Variants in SLC25A12 observed in about 807,000 individuals in gnomAD.
SLC25A12 encodes the protein electrogenic aspartate/glutamate antiporter SLC25A12, mitochondrial.
In SLC25A12, 32 loss-of-function variants were observed where a neutral mutation model predicts 83.3. The observed-to-expected ratio is 0.38, with a 90% CI of 0.29 to 0.52. SLC25A12 has a LOEUF of 0.52. Ranked by LOEUF, SLC25A12 falls within the 20% of genes least tolerant of loss-of-function variation. The pLI is 0.84. For missense variants in SLC25A12, 611 were observed against 835.6 expected, an observed-to-expected ratio of 0.73 and a Z score of 3.31; for synonymous variants, 267 against 291.1, an observed-to-expected ratio of 0.92 and a Z score of 0.84.
chr2:171,827,413 G>T (rs903772127), intron 8 of SLC25A12, among the ~76,000 whole-genome samples: 10 of 151,992 alleles, frequency 6.6e-5, no homozygotes, highest in African/African-American at 2.2e-4. Flanking sequence ...GCCTCTGATT[G>T]GTCATGGGCC....
At chr2:171,786,848 T>C (rs1176524379) in intron 17 of SLC25A12, among the ~76,000 whole-genome samples, 1 of 152,186 alleles carries the variant, frequency 6.6e-6, no homozygotes, top group African/African-American at 2.4e-5. Context: ...TAACTAATAA[T>C]AAATTGTGGT....
At chr2:171,814,522 G>T (rs1181721821) in intron 10 of SLC25A12, among the ~76,000 whole-genome samples, 1 of 151,692 alleles carries the variant, frequency 6.6e-6, no homozygotes. Context: ...TAGGTGTGGG[G>T]TATATATGAA....
At chr2:171,868,907 T>A in intron 2 of SLC25A12, 84 bp from the exon 3 acceptor site, 1 of 1,136,536 alleles carries the variant, frequency 8.8e-7, no homozygotes, top group Non-Finnish European at 1.3e-6. Flanking sequence ...AAAGGTAAAT[T>A]AAAGGCCAGT....
intron 4 of SLC25A12, among the ~76,000 whole-genome samples, chr2:171,855,527 C>T (rs1044918589): frequency 2.0e-5 from 3 of 152,186 alleles, no homozygotes; most frequent in Admixed American, 1.3e-4. Context: ...TGTTCAAAAT[C>T]GACCTTGTAA....
chr2:171,830,106 G>A (rs571063702), intron 8 of SLC25A12, among the ~76,000 whole-genome samples: 3 of 152,344 alleles, frequency 2.0e-5, no homozygotes, highest in African/African-American at 7.2e-5. Flanking sequence ...CTCTCCTGAA[G>A]GCAGTGTTGA....
intron 13 of SLC25A12, among the ~76,000 whole-genome samples, chr2:171,796,268 A>T (rs1683596012): frequency 6.6e-6 from 1 of 152,226 alleles, no homozygotes; most frequent in Non-Finnish European, 1.5e-5. Flanking sequence ...TTAAAAATAC[A>T]TACACCTTAA....
chr2:171,847,058 A>T (rs1038466552), intron 4 of SLC25A12, among the ~76,000 whole-genome samples: 24 of 152,072 alleles, frequency 1.6e-4, no homozygotes, highest in Admixed American at 3.3e-4. Context: ...ACTTCTCCCA[A>T]AGTGGTCACT....
intron 4 of SLC25A12, among the ~76,000 whole-genome samples, chr2:171,852,313 C>T (rs1229065730): frequency 2.3e-4 from 35 of 152,074 alleles, no homozygotes. Flanking sequence ...TGCAAAGATG[C>T]ACACAGTTTA....
At chr2:171,844,885 T>C (rs1573977472) in intron 4 of SLC25A12, among the ~76,000 whole-genome samples, 1 of 152,172 alleles carries the variant, frequency 6.6e-6, no homozygotes, top group African/African-American at 2.4e-5. Flanking sequence ...ATCAGAAGCA[T>C]GAATACCTAA....
At chr2:171,809,784 T>C (rs1193146883) in intron 12 of SLC25A12, 98 bp from the exon 13 acceptor site, 2 of 861,906 alleles carry the variant, frequency 2.3e-6, no homozygotes, top group African/African-American at 3.3e-5. Flanking sequence ...TGTCTTATGA[T>C]AAAATTTAAA....
intron 3 of SLC25A12, among the ~76,000 whole-genome samples, chr2:171,865,311 A>C (rs191689306): frequency 2.2e-4 from 33 of 152,342 alleles, no homozygotes; most frequent in East Asian, 1.9e-4. Context: ...AGTAAATAAC[A>C]CCATTTTTAT....
chr2:171,846,795 G>A (rs1269099359), intron 4 of SLC25A12, among the ~76,000 whole-genome samples: 2 of 152,100 alleles, frequency 1.3e-5, no homozygotes, highest in African/African-American at 4.8e-5. Context: ...GACAGAGCAA[G>A]GCTCTGTCTC....
chr2:171,843,497 G>A (rs984036007), intron 5 of SLC25A12, among the ~76,000 whole-genome samples: 3 of 151,998 alleles, frequency 2.0e-5, no homozygotes, highest in Non-Finnish European at 4.4e-5. Context: ...GCCAGGTGTG[G>A]TGGCACACTC....
At chr2:171,838,558 GA>G (rs1347655831) in intron 5 of SLC25A12, among the ~76,000 whole-genome samples, 1 of 152,010 alleles carries the variant, frequency 6.6e-6, no homozygotes, top group Non-Finnish European at 1.5e-5. Flanking sequence ...TAATCACCCA[GA>G]AATATCAAAT....
intron 4 of SLC25A12, among the ~76,000 whole-genome samples, chr2:171,851,350 C>A (rs1176551902): frequency 6.6e-6 from 1 of 151,894 alleles, no homozygotes; most frequent in African/African-American, 2.4e-5. Context: ...CCCACCACGC[C>A]CGGCTAATTT....
At chr2:171,846,199 T>C (rs1469000965) in intron 4 of SLC25A12, among the ~76,000 whole-genome samples, 1 of 152,046 alleles carries the variant, frequency 6.6e-6, no homozygotes, top group Non-Finnish European at 1.5e-5. Flanking sequence ...AAAAGAAGTG[T>C]TTCATCTTCA....
Position 171,837,280 on chromosome 2 carries a change from T to C in SLC25A12, c.466-13A>G, listed in dbSNP as rs370022928. The C allele has an allele frequency of 9.6e-5, 155 of 1,613,836 alleles. No homozygotes were observed. Among genetic ancestry groups the C allele is most frequent in the Non-Finnish European group, 1.2e-4 (140 of 1,179,888 alleles). ...CCAATTGCAGCTCCTGTGAGGAAAT[T>C]AGAAATAGGGCATTAAGCTGGTTAA... On this transcript the variant is annotated splice_polypyrimidine_tract_variant and intron_variant, in intron 5 of 17. Coordinates refer to ENST00000422440, the MANE Select transcript of SLC25A12 (RefSeq NM_003705.5).
At chr2:171,824,678 T>TA (rs200350679) in intron 9 of SLC25A12, among the ~76,000 whole-genome samples, 32,230 of 151,890 alleles carry the variant, frequency 0.21, 4,084 homozygotes, top group East Asian at 0.57. Flanking sequence ...TTAATTTTAT[T>TA]AAAAATTTTT....
rs376759070 is a variant in SLC25A12 at position 171,844,108 on chromosome 2, TC to T, written c.465+260del. ...TCGTGAAAGAACTAGCTTCTAATCT[TC>T]TATAGTTAGGATACAATTAAAAAGT... is the stretch of plus-strand genomic sequence containing the variant. On this transcript the variant is annotated intron_variant, in intron 5 of 17. Coordinates refer to ENST00000422440, the MANE Select transcript of SLC25A12 (RefSeq NM_003705.5). Among the ~76,000 whole-genome samples, 102 of 152,260 alleles carry T rather than the reference TC, an allele frequency of 6.7e-4. 1 individual carries two copies. The East Asian group carries it at 0.013, about 20-fold the overall frequency.
Sources: allele counts gnomAD v4.1 joint callset (sites outside exome capture counted in the v4.1 genomes callset), GRCh38; gene constraint gnomAD v4.1.1; transcripts MANE v1.5; gene names NCBI Gene and HGNC (gene_info 2026-07-23, HGNC 2026-07-21).